FAM120A: variants seen among roughly 807,000 people sequenced by gnomAD.
FAM120A encodes constitutive coactivator of PPAR-gamma-like protein 1.
In FAM120A, 15 loss-of-function variants were observed where a neutral mutation model predicts 109.7. That is an observed-to-expected ratio of 0.14 (90% confidence interval 0.09 to 0.21). The LOEUF (loss-of-function observed/expected upper bound fraction) is 0.21, where lower values mean the gene tolerates loss of function less well. Ranked by LOEUF, FAM120A falls within the 10% of genes least tolerant of loss-of-function variation. FAM120A has a pLI of 1.00. For synonymous variants in FAM120A, 493 were observed against 572.8 expected (o/e 0.86, Z 1.99); for missense variants, 899 against 1,439.3 (o/e 0.62, Z 6.07).
At position 93,498,708 on chromosome 9, in the gene FAM120A, A is replaced by G; in HGVS notation, c.934-82A>G. 1 of 825,202 alleles carries G rather than the reference A, an allele frequency of 1.2e-6. No homozygotes were observed. The highest frequency in any genetic ancestry group is 2.1e-6 in the Non-Finnish European group (1 of 472,520). The allele number at this position is 825,202 out of a possible 1,614,324, so 51.1% of individuals were successfully genotyped here. Reference sequence around the variant, plus strand: ...CTTGAAAAGCTGTAGAATATTATACATGTGCTGAATTATAAAAAACATTGT... The same window carrying G: ...CTTGAAAAGCTGTAGAATATTATACGTGTGCTGAATTATAAAAAACATTGT... On this transcript the variant is annotated intron_variant, in intron 4 of 17. Coordinates refer to ENST00000277165, the MANE Select transcript of FAM120A (RefSeq NM_014612.5). This position sits in a 1 kb window ranked among gnomAD's most constrained non-coding sequence, Gnocchi z 4.4.
At position 93,467,780 on chromosome 9, in the gene FAM120A, AAAGTC is replaced by A. The variant is rs561660624; in HGVS notation, c.475-3356_475-3352del. Reference sequence around the variant, plus strand: ...ATTGTTTGCTTTTTAATGCCAATCTAAAGTCAAGTGTTCTCAGTGAATAGGTAATT... The same window carrying A: ...ATTGTTTGCTTTTTAATGCCAATCTAAAGTGTTCTCAGTGAATAGGTAATT... On this transcript the variant is annotated intron_variant, in intron 1 of 17. Coordinates refer to ENST00000277165, the MANE Select transcript of FAM120A (RefSeq NM_014612.5). Among the ~76,000 whole-genome samples, 294 of 152,344 alleles carry A rather than the reference AAAGTC, an allele frequency of 1.9e-3. 1 individual carries two copies. The highest frequency in any genetic ancestry group is 6.5e-3 in the African/African-American group (269 of 41,572).
At chr9:93,518,657 G>A (rs1007845908) in intron 7 of FAM120A, among the ~76,000 whole-genome samples, 4 of 152,212 alleles carry the variant, frequency 2.6e-5, no homozygotes, top group African/African-American at 4.8e-5. Flanking sequence ...TGACGAGTGC[G>A]TGAAGAAGAC....
intron 13 of FAM120A, among the ~76,000 whole-genome samples, chr9:93,557,485 C>T (rs1862325263): frequency 6.6e-6 from 1 of 152,110 alleles, no homozygotes; most frequent in Non-Finnish European, 1.5e-5. Context: ...ATGTGAAACA[C>T]GTGGCACTTA....
At chr9:93,520,489 C>G (rs1341006911) in intron 7 of FAM120A, among the ~76,000 whole-genome samples, 1 of 152,170 alleles carries the variant, frequency 6.6e-6, no homozygotes, top group Non-Finnish European at 1.5e-5. Context: ...TTTACAAAAG[C>G]CTATAAAATT....
At chr9:93,508,764 A>G (rs7873803) in intron 5 of FAM120A, among the ~76,000 whole-genome samples, 5,472 of 152,198 alleles carry the variant, frequency 0.036, 164 homozygotes, top group African/African-American at 0.07. Context: ...TGACTTTTCC[A>G]TAGAATAAAC....
chr9:93,558,830 G>T (rs1005212281), intron 15 of FAM120A, 112 bp downstream of exon 15: 3 of 1,292,720 alleles, frequency 2.3e-6, no homozygotes, highest in Non-Finnish European at 3.2e-6. Context: ...CCAGCAGAAC[G>T]GCCTTTCTTC....
intron 3 of FAM120A, among the ~76,000 whole-genome samples, chr9:93,479,182 T>C (rs1391048902): frequency 1.5e-5 from 2 of 136,892 alleles, no homozygotes; most frequent in Non-Finnish European, 3.1e-5. Context: ...CACTGCAAGC[T>C]CCGCCTCCCG....
At chr9:93,514,772 G>A (rs1287715646) in intron 5 of FAM120A, among the ~76,000 whole-genome samples, 2 of 152,190 alleles carry the variant, frequency 1.3e-5, no homozygotes, top group Admixed American at 6.5e-5. Flanking sequence ...CCCTTTATGG[G>A]CACCATCTAC....
intron 5 of FAM120A, among the ~76,000 whole-genome samples, chr9:93,499,149 C>T (rs1443447993): frequency 7.2e-5 from 11 of 152,072 alleles, no homozygotes; most frequent in Admixed American, 5.9e-4. Context: ...GGGATGTTGA[C>T]GTCTTGGCAG....
chr9:93,543,540 G>C (rs1001244017), intron 11 of FAM120A, 69 bp downstream of exon 11: 1 of 1,549,266 alleles, frequency 6.5e-7, no homozygotes, highest in African/African-American at 1.4e-5. Flanking sequence ...CATGGTGTCA[G>C]ATGAGTTCTA....
chr9:93,453,598 TCCCAC>T, intron 1 of FAM120A: 2 of 985,284 alleles, frequency 2.0e-6, no homozygotes, highest in Non-Finnish European at 2.4e-6. Context: ...ATAGCGGAAG[TCCCAC>T]CCACGATCCG....
chr9:93,470,446 C>T (rs1025112304), intron 1 of FAM120A, among the ~76,000 whole-genome samples: 2 of 152,094 alleles, frequency 1.3e-5, no homozygotes, highest in African/African-American at 4.8e-5. Context: ...GTGGATGTTA[C>T]ATTGGGGATT....
In FAM120A at chr9:93,564,431, A is replaced by G. The variant is rs769906208; in HGVS notation, c.3248A>G (p.Asn1083Ser). The change falls in exon 18 of 18, where the codon AAT (asparagine) becomes AGT (serine). Residue 1083 changes from asparagine to serine, a missense_variant. Around this residue, in one of 11 missense-constraint regions of FAM120A, gnomAD observed 170 missense variants for 205.0 expected, o/e 0.83. Transcript: ENST00000277165. The part of the protein sequence containing the change: ...APSHSESALN[N>S]DSKTCNTNPH... Reference sequence around the variant, plus strand: ...AGCCACTCTGAAAGTGCCTTGAATAATGACTCTAAAACGTGCAATACAAAT... The same window carrying G: ...AGCCACTCTGAAAGTGCCTTGAATAGTGACTCTAAAACGTGCAATACAAAT... 15 of 1,614,274 alleles carry G rather than the reference A, an allele frequency of 9.3e-6. No homozygotes were observed. In the South Asian group the frequency reaches 1.6e-4, roughly 18 times the overall value.
intron 3 of FAM120A, among the ~76,000 whole-genome samples, chr9:93,481,774 G>T (rs549606266): frequency 1.3e-5 from 2 of 152,246 alleles, no homozygotes; most frequent in East Asian, 3.9e-4. Flanking sequence ...TTACACTGCA[G>T]TTCCCAGTCT....
At position 93,529,475 on chromosome 9, in the gene FAM120A, C is replaced by T; in HGVS notation, c.1629C>T (p.Ile543=). The part of the protein sequence containing the change: ...LSMPTRNHMD[I]TTPPLPPVAP... ...TGCCCACCAGGAACCACATGGACATCACCACACCTCCCCTGCCCCCCGTCG... is the reference window on the plus strand; with the variant it reads ...TGCCCACCAGGAACCACATGGACATTACCACACCTCCCCTGCCCCCCGTCG... The change falls in exon 9 of 18, where the codon ATC becomes ATT. Residue 543 remains isoleucine, a synonymous_variant. Coordinates refer to ENST00000277165, the MANE Select transcript of FAM120A (RefSeq NM_014612.5). The T allele has an allele frequency of 6.2e-7, 1 of 1,614,210 alleles. No individual in the cohort carries two copies. The highest frequency in any genetic ancestry group is 8.5e-7 in the Non-Finnish European group (1 of 1,180,024).
intron 1 of FAM120A, chr9:93,453,552 G>GC: frequency 2.0e-6 from 2 of 985,418 alleles, no homozygotes; most frequent in Non-Finnish European, 2.4e-6. Flanking sequence ...TGCCCCCACT[G>GC]CCCGCGAGGA....
intron 1 of FAM120A, among the ~76,000 whole-genome samples, chr9:93,469,367 G>A (rs1227437708): frequency 4.6e-5 from 7 of 152,212 alleles, no homozygotes; most frequent in African/African-American, 1.7e-4. Flanking sequence ...CTCCTTGGAG[G>A]AGTGAAGGAG....
At chr9:93,545,216 A>G (rs1300707976) in intron 11 of FAM120A, among the ~76,000 whole-genome samples, 1 of 152,202 alleles carries the variant, frequency 6.6e-6, no homozygotes, top group Non-Finnish European at 1.5e-5. Flanking sequence ...CCAGGCTCTC[A>G]GAGTCGGAGG....
At chr9:93,468,044 G>A (rs1354521716) in intron 1 of FAM120A, among the ~76,000 whole-genome samples, 2 of 152,014 alleles carry the variant, frequency 1.3e-5, no homozygotes, top group Non-Finnish European at 2.9e-5. Context: ...ACCACGCCTG[G>A]CTAATTTTTT....
Sources: allele counts gnomAD v4.1 joint callset (sites outside exome capture counted in the v4.1 genomes callset), GRCh38; gene constraint gnomAD v4.1.1; regional missense constraint gnomAD v4.1.1; non-coding constraint Gnocchi (gnomAD v3.1); transcripts MANE v1.5; gene names NCBI Gene and HGNC (gene_info 2026-07-23, HGNC 2026-07-21).